PLEKHA8: variants seen among roughly 807,000 people sequenced by gnomAD.
PLEKHA8 encodes the protein pleckstrin homology domain containing A8.
In PLEKHA8, 36 loss-of-function variants were observed where a neutral mutation model predicts 68.2. The ratio of observed to expected loss-of-function variants is 0.53; its 90% CI spans 0.40 to 0.70. The LOEUF (loss-of-function observed/expected upper bound fraction) is 0.70. Ranked by LOEUF, PLEKHA8 falls within the 30% of genes least tolerant of loss-of-function variation. The pLI is 0.00. For synonymous variants in PLEKHA8, 211 were observed against 216.1 expected (o/e 0.98, Z 0.20); for missense variants, 505 against 615.4 (o/e 0.82, Z 1.90).
chr7:30,118,882 A>G (rs1467321826), intron 13 of PLEKHA8, among the ~76,000 whole-genome samples: 4 of 152,220 alleles, frequency 2.6e-5, no homozygotes, highest in Admixed American at 6.5e-5. Context: ...AGTGGCATCA[A>G]TGCCTAAGTT....
chr7:30,088,368 C>A (rs1489021251), downstream of PLEKHA8, among the ~76,000 whole-genome samples: 1 of 151,978 alleles, frequency 6.6e-6, no homozygotes, highest in Non-Finnish European at 1.5e-5. Context: ...GGGAAGGACT[C>A]AAAAAACAAG....
rs570558332 is a variant in PLEKHA8 at position 30,048,170 on chromosome 7, TAAAC to T, written c.438+218_438+221del. Among the ~76,000 whole-genome samples, 236 of 152,246 alleles carry T rather than the reference TAAAC, an allele frequency of 1.6e-3. 1 individual carries two copies. The highest frequency in any genetic ancestry group is 6.8e-3 in the Middle Eastern group (2 of 294). ...TTATAGAGGAAAAAAGTAACAAAAT[TAAAC>T]AAAGAGAAGCAATAGTACATTTCAT... On this transcript the variant is annotated intron_variant, in intron 4 of 13. Transcript: ENST00000449726.
At chr7:30,053,030 T>G (rs1188988328) in intron 7 of PLEKHA8, among the ~76,000 whole-genome samples, 164 bp downstream of exon 7, 3 of 152,216 alleles carry the variant, frequency 2.0e-5, no homozygotes, top group Non-Finnish European at 4.4e-5. Context: ...ACAACATTCT[T>G]TCATCCAATC....
chr7:30,092,029 T>A (rs907369487), downstream of PLEKHA8, among the ~76,000 whole-genome samples: 3 of 152,210 alleles, frequency 2.0e-5, no homozygotes, highest in African/African-American at 7.2e-5. Flanking sequence ...TTGTGGCATG[T>A]ATGTGAGCAA....
At chr7:30,108,894 T>C (rs1238894211) in intron 13 of PLEKHA8, among the ~76,000 whole-genome samples, 1 of 152,140 alleles carries the variant, frequency 6.6e-6, no homozygotes, top group Non-Finnish European at 1.5e-5. Context: ...AGCAGTTAAA[T>C]AGAAATAATT....
Position 30,050,427 on chromosome 7 carries a change from T to G in PLEKHA8, c.598-7T>G. 1 of 1,576,610 alleles carries G rather than the reference T, an allele frequency of 6.3e-7. No individual in the cohort carries two copies. ...TGTGAACTTTCCTTTCTTTGCTTCTTTTAAAGATGAAACATCCTATTATAC... is the reference window on the plus strand; with the variant it reads ...TGTGAACTTTCCTTTCTTTGCTTCTGTTAAAGATGAAACATCCTATTATAC... On this transcript the variant is annotated splice_polypyrimidine_tract_variant and splice_region_variant and intron_variant, in intron 5 of 13. Transcript: ENST00000449726.
At chr7:30,121,660 T>C (rs1306181140) in intron 13 of PLEKHA8, among the ~76,000 whole-genome samples, 1 of 152,204 alleles carries the variant, frequency 6.6e-6, no homozygotes, top group Non-Finnish European at 1.5e-5. Flanking sequence ...TTGATTTCCT[T>C]TCCTTTACAA....
intron 7 of PLEKHA8, among the ~76,000 whole-genome samples, 155 bp downstream of exon 7, chr7:30,053,021 C>G (rs1792549428): frequency 6.6e-6 from 1 of 152,146 alleles, no homozygotes; most frequent in Non-Finnish European, 1.5e-5. Flanking sequence ...TATGACTGAA[C>G]AACATTCTTT....
Position 30,067,561 on chromosome 7 carries a change from C to T in PLEKHA8, c.1300+4819C>T, listed in dbSNP as rs141968569. 1.9e-3 allele frequency among the ~76,000 whole-genome samples: 295 copies of T among 152,320 alleles called. 2 individuals carry two copies. The highest frequency in any genetic ancestry group is 3.3e-3 in the Non-Finnish European group (223 of 68,026). Reference sequence around the variant, plus strand: ...ATAGTTCAATACAGTTAAGTGCCCACGTGTCACTCCTTAATCCCGTGACTC... The same window carrying T: ...ATAGTTCAATACAGTTAAGTGCCCATGTGTCACTCCTTAATCCCGTGACTC... On this transcript the variant is annotated intron_variant, in intron 12 of 13. Coordinates refer to ENST00000449726, the MANE Select transcript of PLEKHA8 (RefSeq NM_001197026.2).
At position 30,084,124 on chromosome 7, in the gene PLEKHA8, A is replaced by T; in HGVS notation, c.*5337A>T. 1 of 985,378 alleles carries T rather than the reference A, an allele frequency of 1.0e-6. No homozygotes were observed. Among genetic ancestry groups the T allele is most frequent in the Non-Finnish European group, 1.2e-6 (1 of 829,866 alleles). 61.0% of individuals were successfully genotyped at this position (985,378 alleles called of 1,614,324 possible). A position where few individuals can be genotyped will look rare whatever the true frequency, so the allele number is the denominator to read the frequency against. ...GTCAGATGAGAAATGTGTTCAGATA[A>T]ATTTAATCTGGTTAATAGACTTAAC... On this transcript the variant is annotated 3_prime_UTR_variant, in exon 14 of 14. Transcript: ENST00000449726.
Position 30,082,327 on chromosome 7 carries a change from C to T in PLEKHA8, c.*3540C>T, listed in dbSNP as rs545408206. The T allele has an allele frequency of 1.0e-6, 1 of 985,598 alleles. No homozygotes were observed. 61.1% of individuals were successfully genotyped at this position (985,598 alleles called of 1,614,324 possible). On this transcript the variant is annotated 3_prime_UTR_variant, in exon 14 of 14. Transcript: ENST00000449726. ...GCCATCAGCACACCAAATCTACCCC[C>T]ACTTATGTTTGTTCTGCCCCATTTC...
chr7:30,068,343 A>C (rs1438157949), intron 12 of PLEKHA8, among the ~76,000 whole-genome samples: 1 of 152,250 alleles, frequency 6.6e-6, no homozygotes, highest in Non-Finnish European at 1.5e-5. Context: ...AATTACCAGC[A>C]GAGTAGTGAG....
chr7:30,065,907 G>T (rs1793816348), intron 12 of PLEKHA8, among the ~76,000 whole-genome samples: 1 of 152,146 alleles, frequency 6.6e-6, no homozygotes, highest in African/African-American at 2.4e-5. Flanking sequence ...AAACTCATTA[G>T]AAATGCAGAC....
chr7:30,029,662 A>G (rs1013183170), intron 1 of PLEKHA8, among the ~76,000 whole-genome samples: 9 of 152,224 alleles, frequency 5.9e-5, no homozygotes, highest in East Asian at 1.9e-4. Context: ...TATCACAGAA[A>G]ATGAATTAGG....
chr7:30,111,307 T>G (rs1325097030), intron 13 of PLEKHA8, among the ~76,000 whole-genome samples: 1 of 152,204 alleles, frequency 6.6e-6, no homozygotes, highest in Non-Finnish European at 1.5e-5. Context: ...TTGTCAAAAA[T>G]CAATTGACTA....
At chr7:30,054,924 C>G in intron 8 of PLEKHA8, 59 bp downstream of exon 8, 1 of 1,477,436 alleles carries the variant, frequency 6.8e-7, no homozygotes, top group Non-Finnish European at 9.3e-7. Context: ...TCTGGAAAAT[C>G]AGTCATGGTG....
chr7:30,056,331 TAAATAACATATATATAATATATATAACAC>T lies in PLEKHA8; in HGVS notation c.1039+991_1039+1019del, dbSNP rs774481509. 6.9e-3 allele frequency among the ~76,000 whole-genome samples: 900 copies of T among 129,684 alleles called. 7 individuals are homozygous for T. The highest frequency in any genetic ancestry group is 0.012 in the African/African-American group (415 of 34,478). 85.1% of individuals were successfully genotyped at this position (129,684 alleles called of 152,430 possible). A position where few individuals can be genotyped will look rare whatever the true frequency, so the allele number is the denominator to read the frequency against. On this transcript the variant is annotated intron_variant, in intron 9 of 13. Transcript: ENST00000449726. ...CTCTCTCTATATATATATATATATA[TAAATAACATATATATAATATATATAACAC>T]ATATATATATAAATAACATATATAT...
In PLEKHA8 at chr7:30,045,179, A is replaced by T; in HGVS notation, c.135A>T (p.Gln45His). The T allele has an allele frequency of 6.2e-7, 1 of 1,606,110 alleles. No individual in the cohort carries two copies. Among genetic ancestry groups the T allele is most frequent in the Non-Finnish European group, 8.5e-7 (1 of 1,175,354 alleles). ...DAWKGCKGSI[Q>H]MAVCEIQVHS... Reference sequence around the variant, plus strand: ...GGAAAGGTTGCAAAGGGAGCATACAAATGGCAGTCTGTGAAATTCAAGGTG... The same window carrying T: ...GGAAAGGTTGCAAAGGGAGCATACATATGGCAGTCTGTGAAATTCAAGGTG... The change falls in exon 2 of 14, where the codon CAA becomes CAT. Residue 45 changes from glutamine (Q) to histidine (H), a missense_variant. Gln to His is a conservative substitution (Grantham distance 24, BLOSUM62 0). Transcript: ENST00000449726.
intron 13 of PLEKHA8, among the ~76,000 whole-genome samples, chr7:30,120,902 A>G (rs942351274): frequency 2.0e-5 from 3 of 152,240 alleles, no homozygotes; most frequent in African/African-American, 7.2e-5. Context: ...TTTCCAAGAC[A>G]AATGCTAAAA....
Sources: gnomAD v4.1 joint callset for allele counts (sites outside exome capture counted in the v4.1 genomes callset) on GRCh38, gnomAD v4.1.1 for gene constraint, MANE v1.5 for transcripts, NCBI Gene and HGNC (gene_info 2026-07-23, HGNC 2026-07-21) for gene names.